Variants in CMTM4 observed in about 807,000 individuals in gnomAD.
CMTM4 encodes the protein CKLF like MARVEL transmembrane domain containing 4.
In CMTM4, 8 loss-of-function variants were observed where a neutral mutation model predicts 19.0. The ratio of observed to expected loss-of-function variants is 0.42; its 90% CI spans 0.25 to 0.76. CMTM4 has a LOEUF of 0.76. Ranked by LOEUF, CMTM4 falls within the 30% of genes least tolerant of loss-of-function variation. The pLI, the probability that CMTM4 is intolerant of heterozygous loss-of-function variation, is 0.27. For synonymous variants in CMTM4, 106 were observed against 121.1 expected (o/e 0.88, Z 0.82); for missense variants, 228 against 290.2 (o/e 0.79, Z 1.56).
chr16:66,691,607 G>A (rs1378889352), intron 1 of CMTM4, among the ~76,000 whole-genome samples: 1 of 152,140 alleles, frequency 6.6e-6, no homozygotes, highest in Non-Finnish European at 1.5e-5. Context: ...GGGCTGAGGT[G>A]GAAGGATCAC....
intron 1 of CMTM4, among the ~76,000 whole-genome samples, chr16:66,670,343 AC>A (rs2016680012): frequency 6.7e-6 from 1 of 149,530 alleles, no homozygotes; most frequent in Non-Finnish European, 1.5e-5. Context: ...AATCCCAGCT[AC>A]CCAGGAGGCT....
intron 1 of CMTM4, among the ~76,000 whole-genome samples, chr16:66,671,778 GGACA>G (rs1479733658): frequency 6.6e-6 from 1 of 152,000 alleles, no homozygotes; most frequent in African/African-American, 2.4e-5. Flanking sequence ...CATGATGAGA[GGACA>G]GACAGACCAG....
chr16:66,687,666 T>G, intron 1 of CMTM4, among the ~76,000 whole-genome samples: 1 of 150,526 alleles, frequency 6.6e-6, no homozygotes, highest in East Asian at 2.0e-4. Context: ...TATAACCAAA[T>G]ACCGTAAAAA....
intron 2 of CMTM4, among the ~76,000 whole-genome samples, chr16:66,632,101 C>G (rs2144802257): frequency 6.6e-6 from 1 of 152,232 alleles, no homozygotes; most frequent in South Asian, 2.1e-4. Context: ...CCACAGAGCC[C>G]ACTAAGAAAG....
intron 1 of CMTM4, among the ~76,000 whole-genome samples, chr16:66,676,904 C>T (rs1033163723): frequency 6.6e-6 from 1 of 152,160 alleles, no homozygotes; most frequent in Non-Finnish European, 1.5e-5. Flanking sequence ...GAGTCAGGGA[C>T]ATATGTAATG....
At chr16:66,606,467 C>T in the CMTM4 span, among the ~76,000 whole-genome samples, 1 of 152,096 alleles carries the variant, frequency 6.6e-6, no homozygotes, top group Non-Finnish European at 1.5e-5. Flanking sequence ...GGCTCAGCTG[C>T]ACCCAAGGCC....
intron 1 of CMTM4, among the ~76,000 whole-genome samples, chr16:66,667,862 T>C (rs776076804): frequency 6.6e-6 from 1 of 152,150 alleles, no homozygotes; most frequent in Non-Finnish European, 1.5e-5. Context: ...CACTCCAACC[T>C]GGCTGATAGG....
intron 1 of CMTM4, among the ~76,000 whole-genome samples, chr16:66,688,978 C>T (rs1209238298): frequency 6.6e-6 from 1 of 152,052 alleles, no homozygotes; most frequent in African/African-American, 2.4e-5. Flanking sequence ...TATTGGTTAT[C>T]GTGTGTTGAC....
At chr16:66,695,544 A>T (rs1005530334) in intron 1 of CMTM4, among the ~76,000 whole-genome samples, 1 of 152,192 alleles carries the variant, frequency 6.6e-6, no homozygotes, top group Non-Finnish European at 1.5e-5. Flanking sequence ...ACAAAGCAGG[A>T]ACAGAGCTGA....
At chr16:66,645,216 G>A (rs61384894) in intron 1 of CMTM4, among the ~76,000 whole-genome samples, 9 of 151,978 alleles carry the variant, frequency 5.9e-5, no homozygotes, top group Non-Finnish European at 1.3e-4. Context: ...CCTGGGAGGC[G>A]GAGGTTGCAG....
chr16:66,609,991 C>A, downstream of CMTM4: 1 of 1,614,188 alleles, frequency 6.2e-7, no homozygotes, highest in Admixed American at 1.7e-5. This position sits in a 1 kb window ranked among gnomAD's most constrained non-coding sequence, Gnocchi z 4.4. Context: ...GACCACAGCC[C>A]ACAAGACAGA....
intron 1 of CMTM4, among the ~76,000 whole-genome samples, chr16:66,680,832 T>A (rs994864662): frequency 2.1e-5 from 3 of 145,630 alleles, no homozygotes; most frequent in Non-Finnish European, 3.0e-5. Flanking sequence ...CTTAACTCTC[T>A]CTCATTTAGT....
Position 66,696,481 on chromosome 16 carries a change from C to A in CMTM4, c.45G>T (p.Ser15=). Residue 15 remains serine (S), a synonymous_variant, in exon 1 of 4, where the codon TCG becomes TCT. Coordinates refer to ENST00000394106, the MANE Select transcript of CMTM4 (RefSeq NM_181521.3). The surrounding 1 kb of genome is among the most constrained non-coding windows in gnomAD (Gnocchi z 4.3). Reference sequence around the variant, plus strand: ...TGGCGCCCGAGATCATGGAGGTGCTCGAGGCCTCGCCCTCGAAGCCGTCCA... The same window carrying A: ...TGGCGCCCGAGATCATGGAGGTGCTAGAGGCCTCGCCCTCGAAGCCGTCCA... ...EELDGFEGEA[S]STSMISGASS... 1 of 1,272,078 alleles carries A rather than the reference C, an allele frequency of 7.9e-7. No individual in the cohort carries two copies. The highest frequency in any genetic ancestry group is 9.9e-7 in the Non-Finnish European group (1 of 1,006,878). 78.8% of individuals were successfully genotyped at this position (1,272,078 alleles called of 1,614,324 possible). A position where few individuals can be genotyped will look rare whatever the true frequency, so the allele number is the denominator to read the frequency against.
chr16:66,689,920 G>A (rs567168365), intron 1 of CMTM4, among the ~76,000 whole-genome samples: 75 of 152,030 alleles, frequency 4.9e-4, no homozygotes, highest in African/African-American at 1.7e-3. Context: ...TTCTTGAACT[G>A]TCTTTGTGTG....
At position 66,683,177 on chromosome 16, in the gene CMTM4, A is replaced by G. The variant is rs1486538311; in HGVS notation, c.186+13163T>C. On this transcript the variant is annotated intron_variant, in intron 1 of 3. Coordinates refer to ENST00000394106, the MANE Select transcript of CMTM4 (RefSeq NM_181521.3). ...TATATATACGTATATATATATATAC[A>G]TATGTATATATATATACATATATAT... 1.3e-3 allele frequency among the ~76,000 whole-genome samples: 84 copies of G among 66,246 alleles called. 1 individual carries two copies. In the South Asian group the frequency reaches 0.013, roughly 11 times the overall value. 43.5% of individuals were successfully genotyped at this position (66,246 alleles called of 152,430 possible). A position where few individuals can be genotyped will look rare whatever the true frequency, so the allele number is the denominator to read the frequency against.
At chr16:66,680,643 G>A (rs970010944) in intron 1 of CMTM4, among the ~76,000 whole-genome samples, 6 of 150,980 alleles carry the variant, frequency 4.0e-5, no homozygotes, top group African/African-American at 9.7e-5. Flanking sequence ...GCGTGGTGGC[G>A]GGCACCTGTA....
chr16:66,649,148 C>T (rs1445354868), intron 1 of CMTM4, among the ~76,000 whole-genome samples: 3 of 152,092 alleles, frequency 2.0e-5, no homozygotes, highest in Non-Finnish European at 4.4e-5. Flanking sequence ...GGCTGCCTAC[C>T]GTGAGCTATG....
intron 1 of CMTM4, among the ~76,000 whole-genome samples, chr16:66,679,380 G>T (rs907009792): frequency 6.6e-6 from 1 of 152,050 alleles, no homozygotes; most frequent in African/African-American, 2.4e-5. Context: ...ATAATCCAAG[G>T]AGAAAGAAGA....
At chr16:66,613,228 C>A, downstream of CMTM4, 1 of 680,190 alleles carries the variant, frequency 1.5e-6, no homozygotes, top group South Asian at 1.6e-5. Context: ...GGCTCGGCAC[C>A]CATAACTAAC....
Sources: gnomAD v4.1 joint callset for allele counts (sites outside exome capture counted in the v4.1 genomes callset) on GRCh38, gnomAD v4.1.1 for gene constraint, Gnocchi (gnomAD v3.1) non-coding constraint, MANE v1.5 for transcripts, NCBI Gene and HGNC (gene_info 2026-07-23, HGNC 2026-07-21) for gene names.